The following CNTFR variants were observed in gnomAD, a reference collection of about 807,000 sequenced individuals.
CNTFR encodes ciliary neurotrophic factor receptor subunit alpha.
A neutral mutation model predicts 40.4 loss-of-function variants in CNTFR; 12 were observed. The observed-to-expected ratio is 0.30, with a 90% CI of 0.19 to 0.48. The LOEUF is 0.48. Ranked by LOEUF, CNTFR falls within the 20% of genes least tolerant of loss-of-function variation. CNTFR has a pLI of 0.99. For synonymous variants in CNTFR, 202 were observed against 209.6 expected (o/e 0.96, Z 0.31); for missense variants, 414 against 506.8 (o/e 0.82, Z 1.76).
Position 34,557,507 on chromosome 9 carries a change from C to T in CNTFR, c.604+19G>A, listed in dbSNP as rs1486367212. The T allele has an allele frequency of 6.2e-7, 1 of 1,608,346 alleles. No individual in the cohort carries two copies. Among genetic ancestry groups the T allele is most frequent in the African/African-American group, 1.3e-5 (1 of 74,962 alleles). On this transcript the variant is annotated intron_variant, in intron 6 of 9. Coordinates refer to ENST00000378980, the MANE Select transcript of CNTFR (RefSeq NM_147164.3). The surrounding 1 kb of genome is among the most constrained non-coding windows in gnomAD (Gnocchi z 4.2). ...TCCCACTGGAGTAGGCAGCAGGTCC[C>T]CCCAACCGCCACACGTACCAATGGT...
intron 1 of CNTFR, among the ~76,000 whole-genome samples, chr9:34,587,971 GTCCATATGAA>G (rs1827612393): frequency 6.6e-6 from 1 of 152,162 alleles, no homozygotes; most frequent in Admixed American, 6.5e-5. Context: ...GTAAGTGTCA[GTCCATATGAA>G]TGTAAGCCCC....
At chr9:34,560,902 C>T (rs187417090) in intron 4 of CNTFR, among the ~76,000 whole-genome samples, 2 of 152,214 alleles carry the variant, frequency 1.3e-5, no homozygotes, top group Admixed American at 6.5e-5. Context: ...CCCACCAAAC[C>T]GCATGTTTTT....
In CNTFR at chr9:34,557,792, C is replaced by CA; in HGVS notation, c.437+74dup. ...GCCCAAGGCAGGGCTGGGGTATGGA[C>CA]AGAGGGCATGGTGGTGGGATGGGGG... On this transcript the variant is annotated intron_variant, in intron 5 of 9. Coordinates refer to ENST00000378980, the MANE Select transcript of CNTFR (RefSeq NM_147164.3). This position sits in a 1 kb window ranked among gnomAD's most constrained non-coding sequence, Gnocchi z 4.2. 1.3e-6 allele frequency: 2 copies of CA among 1,560,216 alleles called. No individual in the cohort carries two copies. The highest frequency in any genetic ancestry group is 1.8e-6 in the Non-Finnish European group (2 of 1,139,224).
chr9:34,572,826 G>GC (rs1826743951), intron 2 of CNTFR, among the ~76,000 whole-genome samples: 1 of 152,150 alleles, frequency 6.6e-6, no homozygotes, highest in Non-Finnish European at 1.5e-5. Flanking sequence ...ACCAACAAAC[G>GC]GGGCAATGAT....
At position 34,557,453 on chromosome 9, in the gene CNTFR, C is replaced by T; in HGVS notation, c.604+73G>A. The T allele has an allele frequency of 6.5e-7, 1 of 1,537,992 alleles. No individual in the cohort carries two copies. The highest frequency in any genetic ancestry group is 8.9e-7 in the Non-Finnish European group (1 of 1,125,186). ...TATACATGTGCATGCATGTGGACAT[C>T]CCCACCAATGGCACACATCCACTTA... On this transcript the variant is annotated intron_variant, in intron 6 of 9. Coordinates refer to ENST00000378980, the MANE Select transcript of CNTFR (RefSeq NM_147164.3). The surrounding 1 kb of genome is among the most constrained non-coding windows in gnomAD (Gnocchi z 4.2).
chr9:34,570,228 A>G (rs964508553), intron 2 of CNTFR: 15 of 152,420 alleles, frequency 9.8e-5, no homozygotes, highest in African/African-American at 3.1e-4. Flanking sequence ...AAACAGCTCC[A>G]CACACAGTGG....
At chr9:34,559,029 C>A (rs547265975) in intron 4 of CNTFR, among the ~76,000 whole-genome samples, 1 of 152,308 alleles carries the variant, frequency 6.6e-6, no homozygotes, top group Non-Finnish European at 1.5e-5. Context: ...TGTGATCTGA[C>A]CCGAGCAAGG....
intron 6 of CNTFR, 21 bp from the exon 7 acceptor site, chr9:34,556,439 C>A (rs1323549926): frequency 1.3e-6 from 2 of 1,574,226 alleles, no homozygotes; most frequent in Non-Finnish European, 1.7e-6. Flanking sequence ...GACATAGCTT[C>A]ATTACTACAC....
At position 34,555,591 on chromosome 9, in the gene CNTFR, C is replaced by T. The variant is rs1290132391; in HGVS notation, c.768+664G>A. ...GTCTGACCCCATACTGACCCTTGTC[C>T]ACTGCTTGGTTCCCAGCCAGGCTAC... is the stretch of plus-strand genomic sequence containing the variant. On this transcript the variant is annotated intron_variant, in intron 7 of 9. Transcript: ENST00000378980. 2.0e-5 allele frequency among the ~76,000 whole-genome samples: 3 copies of T among 152,050 alleles called. No homozygotes were observed. The East Asian group carries it at 5.8e-4, about 29-fold the overall frequency.
At position 34,551,610 on chromosome 9, in the gene CNTFR, G is replaced by A. The variant is rs999414241; in HGVS notation, c.*461C>T. 2.2e-5 allele frequency: 7 copies of A among 314,940 alleles called. No individual in the cohort carries two copies. Among genetic ancestry groups the A allele is most frequent in the Non-Finnish European group, 3.6e-5 (6 of 165,646 alleles). The allele number at this position is 314,940 out of a possible 1,614,324, so 19.5% of individuals were successfully genotyped here. ...AGGGGTATACAAAACAGGGCAGAGG[G>A]GAGGGGACTGAAAATTGTGGGTGCT... On this transcript the variant is annotated 3_prime_UTR_variant, in exon 10 of 10. Transcript: ENST00000378980.
Position 34,557,719 on chromosome 9 carries a change from G to A in CNTFR, c.438-27C>T. ...TGGGGAGAGGTGAGACCCAGGCACT[G>A]TTACGAACATCAAGGGTCAGGTGGG... On this transcript the variant is annotated intron_variant, in intron 5 of 9. Coordinates refer to ENST00000378980, the MANE Select transcript of CNTFR (RefSeq NM_147164.3). This position sits in a 1 kb window ranked among gnomAD's most constrained non-coding sequence, Gnocchi z 4.2. The A allele has an allele frequency of 6.2e-7, 1 of 1,613,726 alleles. No homozygotes were observed. The highest frequency in any genetic ancestry group is 8.5e-7 in the Non-Finnish European group (1 of 1,179,642).
rs1162894715 is a variant in CNTFR at position 34,557,505 on chromosome 9, C to A, written c.604+21G>T. The A allele has an allele frequency of 1.2e-6, 2 of 1,606,984 alleles. No individual in the cohort carries two copies. Among genetic ancestry groups the A allele is most frequent in the Admixed American group, 1.7e-5 (1 of 59,846 alleles). ...ATTCCCACTGGAGTAGGCAGCAGGT[C>A]CCCCCAACCGCCACACGTACCAATG... On this transcript the variant is annotated intron_variant, in intron 6 of 9. Coordinates refer to ENST00000378980, the MANE Select transcript of CNTFR (RefSeq NM_147164.3). The surrounding 1 kb of genome is among the most constrained non-coding windows in gnomAD (Gnocchi z 4.2).
intron 2 of CNTFR, among the ~76,000 whole-genome samples, chr9:34,579,457 CA>C (rs1200644637): frequency 6.6e-6 from 1 of 151,722 alleles, no homozygotes; most frequent in African/African-American, 2.4e-5. Flanking sequence ...GAGACAGAGA[CA>C]AATCAGGAAA....
At chr9:34,584,404 T>G (rs1388793424) in intron 1 of CNTFR, among the ~76,000 whole-genome samples, 1 of 152,228 alleles carries the variant, frequency 6.6e-6, no homozygotes, top group Non-Finnish European at 1.5e-5. Context: ...TGGCGTTGGA[T>G]GTGTGTTTCT....
Position 34,557,775 on chromosome 9 carries a change from C to A in CNTFR, c.438-83G>T. On this transcript the variant is annotated intron_variant, in intron 5 of 9. Transcript: ENST00000378980. The surrounding 1 kb of genome is among the most constrained non-coding windows in gnomAD (Gnocchi z 4.2). ...GGTTGAGGAAAGGTCAAGCCCAAGG[C>A]AGGGCTGGGGTATGGACAGAGGGCA... The A allele has an allele frequency of 6.3e-7, 1 of 1,582,138 alleles. No homozygotes were observed. Among genetic ancestry groups the A allele is most frequent in the Middle Eastern group, 1.7e-4 (1 of 5,958 alleles).
intron 2 of CNTFR, among the ~76,000 whole-genome samples, chr9:34,577,469 G>C (rs1298547948): frequency 2.0e-5 from 3 of 152,212 alleles, no homozygotes; most frequent in Non-Finnish European, 4.4e-5. Flanking sequence ...GGTGGTGGGA[G>C]CCAAATGAAA....
At chr9:34,580,701 G>A (rs2132250214) in intron 2 of CNTFR, among the ~76,000 whole-genome samples, 1 of 152,180 alleles carries the variant, frequency 6.6e-6, no homozygotes, top group East Asian at 1.9e-4. Context: ...AGAAGATTCT[G>A]GACTTTCTGA....
At chr9:34,588,508 A>G (rs1827631969) in intron 1 of CNTFR, among the ~76,000 whole-genome samples, 4 of 152,240 alleles carry the variant, frequency 2.6e-5, no homozygotes, top group Non-Finnish European at 5.9e-5. Flanking sequence ...TATTACAGGC[A>G]GAACAACTAG....
intron 2 of CNTFR, among the ~76,000 whole-genome samples, chr9:34,576,809 C>T (rs566730556): frequency 1.1e-3 from 166 of 152,354 alleles, no homozygotes; most frequent in African/African-American, 3.9e-3. Flanking sequence ...CCTCTCTTCC[C>T]CACGATGCGG....
Sources: gnomAD v4.1 joint callset for allele counts (sites outside exome capture counted in the v4.1 genomes callset) on GRCh38, gnomAD v4.1.1 for gene constraint, Gnocchi (gnomAD v3.1) non-coding constraint, MANE v1.5 for transcripts, NCBI Gene and HGNC (gene_info 2026-07-23, HGNC 2026-07-21) for gene names.